Variants in ZFP2 observed in about 807,000 individuals in gnomAD.
The protein encoded by ZFP2 is zinc finger protein ZFP2.
A neutral mutation model predicts 36.1 loss-of-function variants in ZFP2; 33 were observed. The ratio of observed to expected loss-of-function variants is 0.92; its 90% CI spans 0.69 to 1.22. The LOEUF (loss-of-function observed/expected upper bound fraction) is 1.22, where lower values mean the gene tolerates loss of function less well. Ranked by LOEUF, ZFP2 falls within the 50% of genes most tolerant of loss-of-function variation. ZFP2 has a pLI of 0.00. For synonymous variants in ZFP2, 170 were observed against 178.0 expected, an observed-to-expected ratio of 0.96 and a Z score of 0.36; for missense variants, 522 against 551.4, an observed-to-expected ratio of 0.95 and a Z score of 0.53.
intron 1 of ZFP2, among the ~76,000 whole-genome samples, chr5:178,902,381 C>A (rs964987220): frequency 1.3e-5 from 2 of 152,144 alleles, no homozygotes; most frequent in African/African-American, 4.8e-5. Context: ...AAACTACAAA[C>A]CTTACTTGGA....
intron 1 of ZFP2, among the ~76,000 whole-genome samples, chr5:178,897,349 A>G (rs1455872433): frequency 2.6e-5 from 4 of 152,122 alleles, no homozygotes; most frequent in African/African-American, 4.8e-5. Flanking sequence ...CGCAGTTTGC[A>G]TTTTGTATTT....
chr5:178,918,015 T>G (rs1758477511), intron 4 of ZFP2, among the ~76,000 whole-genome samples: 1 of 152,232 alleles, frequency 6.6e-6, no homozygotes, highest in Non-Finnish European at 1.5e-5. Flanking sequence ...CAGTGAGGCC[T>G]TTTCTTATGA....
intron 1 of ZFP2, among the ~76,000 whole-genome samples, chr5:178,902,105 A>G (rs563182937): frequency 6.6e-6 from 1 of 152,362 alleles, no homozygotes; most frequent in East Asian, 1.9e-4. Context: ...ACTGCACTCC[A>G]GCCTGGGAGA....
intron 1 of ZFP2, among the ~76,000 whole-genome samples, chr5:178,902,859 C>T (rs532183418): frequency 1.3e-5 from 2 of 152,266 alleles, no homozygotes; most frequent in South Asian, 2.1e-4. Flanking sequence ...GAGTCTGCAC[C>T]TGTTCTATTT....
At chr5:178,915,937 G>A (rs1258275748) in intron 3 of ZFP2, among the ~76,000 whole-genome samples, 1 of 152,184 alleles carries the variant, frequency 6.6e-6, no homozygotes, top group Non-Finnish European at 1.5e-5. Flanking sequence ...AATATTTAAT[G>A]ACATCAATTA....
intron 1 of ZFP2, among the ~76,000 whole-genome samples, chr5:178,908,196 C>T (rs1262675257): frequency 6.6e-6 from 1 of 152,044 alleles, no homozygotes; most frequent in East Asian, 1.9e-4. Context: ...CGTCTGTAAT[C>T]CCAGCACTTT....
Position 178,932,659 on chromosome 5 carries a change from G to A in ZFP2, c.1346G>A (p.Arg449Gln), listed in dbSNP as rs372895006. The A allele has an allele frequency of 3.4e-5, 54 of 1,611,892 alleles. No homozygotes were observed. Among genetic ancestry groups the A allele is most frequent in the Admixed American group, 1.7e-4 (10 of 59,688 alleles). ...QCNECGKAFS[R>Q]STNLTRHQRT... ...AATGAATGCGGAAAAGCCTTCAGCC[G>A]GAGTACAAACCTTACACGACATCAA... is the stretch of plus-strand genomic sequence containing the variant. Residue 449 changes from arginine (R) to glutamine (Q), a missense_variant, in exon 5 of 5, where the codon CGG (arginine) becomes CAG (glutamine). Coordinates refer to ENST00000361362, the MANE Select transcript of ZFP2 (RefSeq NM_030613.4).
intron 1 of ZFP2, among the ~76,000 whole-genome samples, chr5:178,904,696 CTT>C (rs1195032566): frequency 1.0e-4 from 9 of 88,636 alleles, no homozygotes; most frequent in South Asian, 8.3e-4. Context: ...ATTCATTTTG[CTT>C]TTTTTTTTTT....
chr5:178,932,824 A>G lies in ZFP2; in HGVS notation c.*125A>G, dbSNP rs886987994. ...TCTTTCAGTTGAAGTACAATATGTCATATCAGATAATACCACTGCAGAGAA... is the reference window on the plus strand; with the variant it reads ...TCTTTCAGTTGAAGTACAATATGTCGTATCAGATAATACCACTGCAGAGAA... On this transcript the variant is annotated 3_prime_UTR_variant, in exon 5 of 5. Transcript: ENST00000361362. The G allele has an allele frequency of 4.3e-6, 5 of 1,154,468 alleles. No individual in the cohort carries two copies. The African/African-American group carries it at 4.7e-5, about 11-fold the overall frequency. The allele number at this position is 1,154,468 out of a possible 1,614,324, so 71.5% of individuals were successfully genotyped here.
intron 1 of ZFP2, among the ~76,000 whole-genome samples, chr5:178,900,476 C>T (rs1437686604): frequency 3.1e-4 from 17 of 55,492 alleles, no homozygotes; most frequent in Admixed American, 3.3e-4. Context: ...ACTCCACGTC[C>T]CCCTCCCCAG....
At chr5:178,917,377 G>A (rs1300456169) in intron 4 of ZFP2, among the ~76,000 whole-genome samples, 1 of 152,136 alleles carries the variant, frequency 6.6e-6, no homozygotes, top group East Asian at 1.9e-4. Context: ...CATTTTGGGA[G>A]GCTGAGGCGG....
At chr5:178,913,363 C>G (rs988369656) in intron 3 of ZFP2, among the ~76,000 whole-genome samples, 1 of 152,212 alleles carries the variant, frequency 6.6e-6, no homozygotes, top group African/African-American at 2.4e-5. Flanking sequence ...CTGTCTTCCT[C>G]TGCATTCTGA....
At chr5:178,918,652 C>T (rs572529165) in intron 4 of ZFP2, among the ~76,000 whole-genome samples, 1 of 152,090 alleles carries the variant, frequency 6.6e-6, no homozygotes, top group South Asian at 2.1e-4. Context: ...CATTCCAAGC[C>T]GTTAAGGGAG....
chr5:178,902,628 TTGAA>T (rs1447350387), intron 1 of ZFP2, among the ~76,000 whole-genome samples: 1 of 152,190 alleles, frequency 6.6e-6, no homozygotes, highest in Non-Finnish European at 1.5e-5. Flanking sequence ...TAATTAAAAT[TTGAA>T]TGGCTGATAC....
Position 178,931,342 on chromosome 5 carries a change from C to T in ZFP2, c.29C>T (p.Thr10Ile). ...GAAAGGGAAGGTATCTGGCATTCTA[C>T]TCTAGGGGAAACCTGGGAACCTAAT... Reference protein sequence around the residue: MEREGIWHSTLGETWEPNNW... With the variant: MEREGIWHSILGETWEPNNW... Residue 10 changes from threonine (T) to isoleucine (I), a missense_variant, in exon 5 of 5, where the codon ACT becomes ATT. Thr to Ile is a moderately conservative substitution (Grantham distance 89). Coordinates refer to ENST00000361362, the MANE Select transcript of ZFP2 (RefSeq NM_030613.4). 1 of 1,611,408 alleles carries T rather than the reference C, an allele frequency of 6.2e-7. No individual in the cohort carries two copies.
intron 1 of ZFP2, among the ~76,000 whole-genome samples, chr5:178,903,779 C>T (rs1440091634): frequency 6.6e-6 from 1 of 152,052 alleles, no homozygotes; most frequent in Admixed American, 6.6e-5. Flanking sequence ...ACCATCCTGG[C>T]CAATACGGTG....
At chr5:178,909,074 G>C (rs1208434017) in intron 1 of ZFP2, among the ~76,000 whole-genome samples, 1 of 144,972 alleles carries the variant, frequency 6.9e-6, no homozygotes, top group Admixed American at 6.8e-5. Context: ...AAAACCCCTC[G>C]TGGCCTGGAT....
At chr5:178,910,488 G>T in intron 1 of ZFP2, 1 of 652,086 alleles carries the variant, frequency 1.5e-6, no homozygotes, top group Non-Finnish European at 2.9e-6. Context: ...GGTGGTACTT[G>T]CTCCTCACAG....
Position 178,932,658 on chromosome 5 carries a change from C to A in ZFP2, c.1345C>A (p.Arg449=). The A allele has an allele frequency of 6.2e-7, 1 of 1,612,242 alleles. No individual in the cohort carries two copies. Among genetic ancestry groups the A allele is most frequent in the South Asian group, 1.1e-5 (1 of 90,802 alleles). Residue 449 remains arginine (R), a synonymous_variant, in exon 5 of 5, where the codon CGG becomes AGG. Transcript: ENST00000361362. Reference sequence around the variant, plus strand: ...TAATGAATGCGGAAAAGCCTTCAGCCGGAGTACAAACCTTACACGACATCA... The same window carrying A: ...TAATGAATGCGGAAAAGCCTTCAGCAGGAGTACAAACCTTACACGACATCA... ...QCNECGKAFS[R]STNLTRHQRT...
Sources: allele counts gnomAD v4.1 joint callset (sites outside exome capture counted in the v4.1 genomes callset), GRCh38; gene constraint gnomAD v4.1.1; transcripts MANE v1.5; gene names NCBI Gene and HGNC (gene_info 2026-07-23, HGNC 2026-07-21).